Variants in LRRK2 observed in about 807,000 individuals in gnomAD.
The protein encoded by LRRK2 is leucine-rich repeat serine/threonine-protein kinase 2.
Under a neutral mutation model 302.6 loss-of-function variants are expected in LRRK2, and 203 were observed. That is an observed-to-expected ratio of 0.67 (90% CI 0.60 to 0.75). The LOEUF is 0.75. Ranked by LOEUF, LRRK2 falls within the 30% of genes least tolerant of loss-of-function variation. LRRK2 has a pLI of 0.00. For missense variants in LRRK2, 2,830 were observed against 2,951.0 expected, an observed-to-expected ratio of 0.96 and a Z score of 0.95; for synonymous variants, 1,066 against 1,031.9, an observed-to-expected ratio of 1.03 and a Z score of -0.63.
intron 20 of LRRK2, among the ~76,000 whole-genome samples, chr12:40,292,308 T>C (rs1395785061): frequency 6.6e-6 from 1 of 152,094 alleles, no homozygotes; most frequent in Non-Finnish European, 1.5e-5. Flanking sequence ...TCATTTAATA[T>C]ATTTATCCAG....
At chr12:40,261,267 G>A (rs980542253) in intron 13 of LRRK2, among the ~76,000 whole-genome samples, 3 of 152,016 alleles carry the variant, frequency 2.0e-5, no homozygotes, top group African/African-American at 7.2e-5. Flanking sequence ...TTTTGAGGGA[G>A]GTTTTGGGTT....
chr12:40,244,505 A>G (rs1217222008), intron 7 of LRRK2, among the ~76,000 whole-genome samples: 3 of 152,138 alleles, frequency 2.0e-5, no homozygotes, highest in Admixed American at 2.0e-4. Flanking sequence ...GTGCAGAGAT[A>G]TACATATTTT....
In LRRK2 at chr12:40,365,035, A is replaced by T. The variant is rs1946835749; in HGVS notation, c.7375A>T (p.Met2459Leu). ...YNFCNSVRVM[M>L]TAQLGSLKNV... ...CTTTTGTAATTCGGTCAGAGTCATG[A>T]TGACAGCACAGCTAGGCAAGTTTCT... Residue 2459 changes from methionine (M) to leucine (L), a missense_variant, in exon 49 of 51, where the codon ATG becomes TTG. Around this residue, in one of 3 missense-constraint regions of LRRK2, gnomAD observed 456 missense variants for 456.3 expected, o/e 1.00. Transcript: ENST00000298910. 2 of 1,612,238 alleles carry T rather than the reference A, an allele frequency of 1.2e-6. No homozygotes were observed. Among genetic ancestry groups the T allele is most frequent in the East Asian group, 4.5e-5 (2 of 44,832 alleles).
intron 47 of LRRK2, among the ~76,000 whole-genome samples, chr12:40,362,756 A>G (rs1339091094): frequency 6.6e-6 from 1 of 152,026 alleles, no homozygotes; most frequent in African/African-American, 2.4e-5. Flanking sequence ...TGAAATATGT[A>G]CAATGCCAGA....
chr12:40,335,205 C>T lies in LRRK2; in HGVS notation c.5948+48C>T, dbSNP rs2404834. On this transcript the variant is annotated intron_variant, in intron 40 of 50. Coordinates refer to ENST00000298910, the MANE Select transcript of LRRK2 (RefSeq NM_198578.4). ...TATTCAGTGCATGACAAGTGTGATC[C>T]AGACTTGCTCTCAGGTTCTGAGAAC... 218,343 of 1,594,976 alleles carry T rather than the reference C, an allele frequency of 0.14. 16,608 individuals are homozygous for T. Among genetic ancestry groups the T allele is most frequent in the African/African-American group, 0.15 (11,417 of 74,562 alleles).
chr12:40,307,299 G>A (rs953305378), intron 28 of LRRK2, among the ~76,000 whole-genome samples: 1 of 151,962 alleles, frequency 6.6e-6, no homozygotes, highest in Non-Finnish European at 1.5e-5. Context: ...CTACTCTGAT[G>A]TAAAATTCAC....
At chr12:40,328,267 TTTACAACAGATATAA>T (rs754239969) in intron 38 of LRRK2, 78 bp from the exon 39 acceptor site, 50 of 974,954 alleles carry the variant, frequency 5.1e-5, no homozygotes, top group African/African-American at 2.6e-4. Context: ...TCTATTCAAA[TTTACAACAGATATAA>T]TTACAACAGA....
chr12:40,239,466 G>T (rs1328847890), intron 5 of LRRK2, among the ~76,000 whole-genome samples: 2 of 152,114 alleles, frequency 1.3e-5, no homozygotes, highest in Non-Finnish European at 2.9e-5. Context: ...TGGAAGGAGG[G>T]CTAGCATCAC....
At position 40,304,065 on chromosome 12, in the gene LRRK2, C is replaced by G. The variant is rs1349208796; in HGVS notation, c.3708C>G (p.Asp1236Glu). The change falls in exon 27 of 51, where the codon GAC (aspartate) becomes GAG (glutamate). Residue 1236 changes from aspartate to glutamate, a missense_variant. Asp to Glu is a conservative substitution (Grantham distance 45, BLOSUM62 2). Around this residue, in one of 3 missense-constraint regions of LRRK2, gnomAD observed 2,121 missense variants for 2,148.0 expected, o/e 0.99. Coordinates refer to ENST00000298910, the MANE Select transcript of LRRK2 (RefSeq NM_198578.4). ...GCCATAATCAGATCAGCATCTTGGA[C>G]TTGAGTGAAAAAGCATATTTATGGT... is the stretch of plus-strand genomic sequence containing the variant. ...LFSHNQISIL[D>E]LSEKAYLWSR... 6.2e-7 allele frequency: 1 copy of G among 1,613,618 alleles called. No homozygotes were observed. The highest frequency in any genetic ancestry group is 8.5e-7 in the Non-Finnish European group (1 of 1,179,704).
At chr12:40,299,389 A>G in intron 25 of LRRK2, 132 bp downstream of exon 25, 1 of 1,023,666 alleles carries the variant, frequency 9.8e-7, no homozygotes, top group South Asian at 1.4e-5. Context: ...TTAAAAAATA[A>G]AATTAGCAGG....
rs945194818 is a variant in LRRK2, at chr12:40,263,970, G to A, written c.1656+69G>A. On this transcript the variant is annotated intron_variant, in intron 14 of 50. Transcript: ENST00000298910. ...ATATTAAATTTGGAGAACTAGGGGC[G>A]CTTTTTCAGTCTAAGTTTTCTGTTC... is the stretch of plus-strand genomic sequence containing the variant. 3.0e-5 allele frequency: 33 copies of A among 1,101,360 alleles called. No individual in the cohort carries two copies. In the African/African-American group the frequency reaches 3.5e-4, roughly 12 times the overall value. The allele number at this position is 1,101,360 out of a possible 1,614,324, so 68.2% of individuals were successfully genotyped here. A position where few individuals can be genotyped will look rare whatever the true frequency, so the allele number is the denominator to read the frequency against.
intron 2 of LRRK2, among the ~76,000 whole-genome samples, chr12:40,226,357 C>T (rs1286734382): frequency 6.6e-6 from 1 of 152,120 alleles, no homozygotes; most frequent in Non-Finnish European, 1.5e-5. Flanking sequence ...TAACTTCCTT[C>T]GGAGCACTTA....
intron 25 of LRRK2, chr12:40,300,902 T>C (rs1324857196): frequency 2.1e-6 from 1 of 471,040 alleles, no homozygotes; most frequent in Admixed American, 2.3e-5. Context: ...TTAAGTTGGG[T>C]CTGGAAAGAG....
At chr12:40,304,946 T>A (rs1269238640) in intron 27 of LRRK2, 1 of 152,090 alleles carries the variant, frequency 6.6e-6, no homozygotes, top group Non-Finnish European at 1.5e-5. Context: ...GTCCAATCTG[T>A]TAACAGACTC....
intron 35 of LRRK2, among the ~76,000 whole-genome samples, chr12:40,321,620 A>C (rs1015675334): frequency 1.3e-5 from 2 of 152,120 alleles, no homozygotes; most frequent in African/African-American, 4.8e-5. Flanking sequence ...AATTAGCTTT[A>C]CACAGGTGTT....
intron 2 of LRRK2, among the ~76,000 whole-genome samples, chr12:40,227,000 A>G (rs1043722698): frequency 1.3e-5 from 2 of 152,088 alleles, no homozygotes; most frequent in Non-Finnish European, 2.9e-5. Flanking sequence ...GCAGTGCTAT[A>G]CTTGACAACC....
At position 40,328,342 on chromosome 12, in the gene LRRK2, G is replaced by C; in HGVS notation, c.5657-18G>C. The C allele has an allele frequency of 6.2e-7, 1 of 1,601,880 alleles. No individual in the cohort carries two copies. Among genetic ancestry groups the C allele is most frequent in the Non-Finnish European group, 8.6e-7 (1 of 1,169,132 alleles). On this transcript the variant is annotated intron_variant, in intron 38 of 50. Transcript: ENST00000298910. ...TTGGACAGCTTAATTTAAGTGCTTT[G>C]TATTTTCTTTTCAAAAGGTGATGGC...
chr12:40,252,806 T>C, intron 10 of LRRK2, 104 bp from the exon 11 acceptor site: 3 of 763,720 alleles, frequency 3.9e-6, no homozygotes, highest in African/African-American at 1.7e-5. Flanking sequence ...AAATATTGTT[T>C]ATATGCTCTT....
chr12:40,353,102 C>A (rs551970665), intron 44 of LRRK2, among the ~76,000 whole-genome samples: 1 of 151,094 alleles, frequency 6.6e-6, no homozygotes, highest in East Asian at 2.0e-4. Context: ...CCCCACCTCC[C>A]GGATGGGGTG....
Sources: gnomAD v4.1 joint callset for allele counts (sites outside exome capture counted in the v4.1 genomes callset) on GRCh38, gnomAD v4.1.1 for gene constraint, gnomAD v4.1.1 regional missense constraint, MANE v1.5 for transcripts, NCBI Gene and HGNC (gene_info 2026-07-23, HGNC 2026-07-21) for gene names.